The following TAX1BP1 variants were observed in gnomAD, a reference collection of about 807,000 sequenced individuals.
TAX1BP1 encodes Tax1 binding protein 1, also known as tax1-binding protein 1.
Under a neutral mutation model 97.7 loss-of-function variants are expected in TAX1BP1, and 62 were observed. That is an observed-to-expected ratio of 0.63 (90% CI 0.52 to 0.78). TAX1BP1 has a LOEUF of 0.78. Ranked by LOEUF, TAX1BP1 falls within the 30% of genes least tolerant of loss-of-function variation. The pLI is 0.00. For synonymous variants in TAX1BP1, 340 were observed against 304.2 expected (o/e 1.12, Z -1.23); for missense variants, 867 against 916.1 (o/e 0.95, Z 0.69).
At chr7:27,779,113 G>A (rs1008843583) in intron 5 of TAX1BP1, among the ~76,000 whole-genome samples, 13 of 151,636 alleles carry the variant, frequency 8.6e-5, no homozygotes, top group African/African-American at 3.2e-4. Flanking sequence ...TCAGTACTTT[G>A]TTTCTTTTTA....
chr7:27,748,511 G>T lies in TAX1BP1; in HGVS notation c.-7-7G>T. 1 of 1,568,450 alleles carries T rather than the reference G, an allele frequency of 6.4e-7. No individual in the cohort carries two copies. Among genetic ancestry groups the T allele is most frequent in the Non-Finnish European group, 8.7e-7 (1 of 1,152,382 alleles). On this transcript the variant is annotated splice_region_variant and splice_polypyrimidine_tract_variant and intron_variant, in intron 1 of 16. Coordinates refer to ENST00000396319, the MANE Select transcript of TAX1BP1 (RefSeq NM_006024.7). Reference sequence around the variant, plus strand: ...ATAATTTAACTTGTATGAATTACTTGTTTCAGATTCACAATGACATCCTTT... The same window carrying T: ...ATAATTTAACTTGTATGAATTACTTTTTTCAGATTCACAATGACATCCTTT...
intron 5 of TAX1BP1, 76 bp from the exon 6 acceptor site, chr7:27,785,087 T>C: frequency 7.0e-7 from 1 of 1,430,488 alleles, no homozygotes; most frequent in Non-Finnish European, 9.3e-7. Flanking sequence ...ATACATAGTT[T>C]TCTTAAAGAT....
chr7:27,777,155 T>C (rs1268101957), intron 5 of TAX1BP1, among the ~76,000 whole-genome samples: 2 of 152,188 alleles, frequency 1.3e-5, no homozygotes, highest in Non-Finnish European at 2.9e-5. Flanking sequence ...CTACTCATTA[T>C]GGGTTATATT....
rs368766669 is a variant in TAX1BP1 at position 27,748,644 on chromosome 7, A to G, written c.120A>G (p.Pro40=). 36 of 1,577,486 alleles carry G rather than the reference A, an allele frequency of 2.3e-5. No homozygotes were observed. The highest frequency in any genetic ancestry group is 3.1e-5 in the Non-Finnish European group (36 of 1,159,422). The stretch of plus-strand genomic sequence containing the variant: ...TGGAATGTCATTACACCTTAACTCC[A>G]TATATTCATCCACATCCAAAAGATT... ...AHLECHYTLT[P]YIHPHPKDWV... Residue 40 remains proline (P), a synonymous_variant, in exon 2 of 17, where the codon CCA becomes CCG. Coordinates refer to ENST00000396319, the MANE Select transcript of TAX1BP1 (RefSeq NM_006024.7).
chr7:27,825,465 C>A (rs1029471651), intron 15 of TAX1BP1, among the ~76,000 whole-genome samples: 1 of 152,122 alleles, frequency 6.6e-6, no homozygotes, highest in Non-Finnish European at 1.5e-5. Context: ...TCTCTGATTT[C>A]AACCTATGCT....
At chr7:27,745,302 C>G (rs1011626048) in intron 1 of TAX1BP1, among the ~76,000 whole-genome samples, 3 of 152,180 alleles carry the variant, frequency 2.0e-5, no homozygotes, top group African/African-American at 7.2e-5. Context: ...TATTATTTCT[C>G]CACTCCCGTG....
chr7:27,821,715 A>G, intron 15 of TAX1BP1, among the ~76,000 whole-genome samples: 1 of 152,016 alleles, frequency 6.6e-6, no homozygotes, highest in Non-Finnish European at 1.5e-5. Flanking sequence ...CATTTAAAGT[A>G]TACAATTTAG....
chr7:27,753,084 C>T (rs1788081639), intron 2 of TAX1BP1, among the ~76,000 whole-genome samples: 1 of 151,998 alleles, frequency 6.6e-6, no homozygotes, highest in South Asian at 2.1e-4. Flanking sequence ...CAGATCACTT[C>T]AGGTCAGGAG....
chr7:27,777,788 C>CAGT (rs1462697636), intron 5 of TAX1BP1, among the ~76,000 whole-genome samples: 5 of 152,186 alleles, frequency 3.3e-5, no homozygotes, highest in African/African-American at 1.2e-4. Context: ...TCTCTCTAGA[C>CAGT]AGTAATAAGC....
At chr7:27,814,154 T>C (rs1790673344) in intron 13 of TAX1BP1, among the ~76,000 whole-genome samples, 1 of 152,022 alleles carries the variant, frequency 6.6e-6, no homozygotes, top group Non-Finnish European at 1.5e-5. Flanking sequence ...ATTTAACCTT[T>C]CTTTTTTTTC....
chr7:27,773,863 C>T lies in TAX1BP1; in HGVS notation c.612+4029C>T, dbSNP rs1788933528. The stretch of plus-strand genomic sequence containing the variant: ...CAAATAGGAGTAAAAAGAGCTGTGC[C>T]TCTGTTAAGTTTTTCAGTTAATTTA... On this transcript the variant is annotated intron_variant, in intron 5 of 16. Transcript: ENST00000396319. 4.6e-5 allele frequency among the ~76,000 whole-genome samples: 7 copies of T among 152,040 alleles called. No homozygotes were observed. The South Asian group carries it at 1.5e-3, about 32-fold the overall frequency.
At chr7:27,756,203 A>G (rs892501919) in intron 2 of TAX1BP1, among the ~76,000 whole-genome samples, 52 of 152,166 alleles carry the variant, frequency 3.4e-4, no homozygotes, top group African/African-American at 1.2e-3. Flanking sequence ...CCACTCTAGC[A>G]TACTTTCATG....
chr7:27,816,589 G>A, intron 14 of TAX1BP1, 69 bp downstream of exon 14: 3 of 1,333,672 alleles, frequency 2.2e-6, no homozygotes, highest in South Asian at 3.2e-5. Context: ...TATTTTCATG[G>A]ATTAGCAAAC....
intron 5 of TAX1BP1, among the ~76,000 whole-genome samples, chr7:27,776,259 A>T (rs1161868441): frequency 1.3e-5 from 2 of 152,210 alleles, no homozygotes; most frequent in Non-Finnish European, 2.9e-5. Context: ...GGTAAAATGC[A>T]TAGATAAAGG....
intron 11 of TAX1BP1, among the ~76,000 whole-genome samples, chr7:27,795,262 G>T (rs1056056964): frequency 6.6e-6 from 1 of 151,990 alleles, no homozygotes; most frequent in Admixed American, 6.6e-5. Context: ...GTGTTATAGG[G>T]TATTTACTTA....
chr7:27,807,723 G>C (rs1790393577), intron 13 of TAX1BP1, among the ~76,000 whole-genome samples: 1 of 152,026 alleles, frequency 6.6e-6, no homozygotes, highest in Admixed American at 6.6e-5. Context: ...TTCTTTATCA[G>C]ACTTTCACCT....
At chr7:27,805,298 CTCATTATTCTCTGATTTTT>C (rs1458527034) in intron 13 of TAX1BP1, among the ~76,000 whole-genome samples, 2 of 152,016 alleles carry the variant, frequency 1.3e-5, no homozygotes, top group Non-Finnish European at 2.9e-5. Context: ...AGTTCTTTGG[CTCATTATTCTCTGATTTTT>C]GGTTTGTTTT....
intron 15 of TAX1BP1, among the ~76,000 whole-genome samples, chr7:27,819,520 A>G: frequency 6.6e-6 from 1 of 152,188 alleles, no homozygotes; most frequent in African/African-American, 2.4e-5. Flanking sequence ...AATGTGTAGC[A>G]CATTTAAAGT....
intron 13 of TAX1BP1, among the ~76,000 whole-genome samples, chr7:27,814,797 G>A (rs947974106): frequency 4.6e-5 from 7 of 151,674 alleles, no homozygotes; most frequent in East Asian, 3.9e-4. Context: ...GTGCAGTGGC[G>A]CGATCTCGGC....
Sources: gnomAD v4.1 joint callset for allele counts (sites outside exome capture counted in the v4.1 genomes callset) on GRCh38, gnomAD v4.1.1 for gene constraint, MANE v1.5 for transcripts, NCBI Gene and HGNC (gene_info 2026-07-23, HGNC 2026-07-21) for gene names.